Variants in TDRD12 observed in about 807,000 individuals in gnomAD.
TDRD12 encodes tudor domain containing 12, also known as putative ATP-dependent RNA helicase TDRD12.
Under a neutral mutation model 133.5 loss-of-function variants are expected in TDRD12, and 158 were observed. That is an observed-to-expected ratio of 1.18 (90% CI 1.04 to 1.35). The LOEUF is 1.35. TDRD12 is among the 40% of genes most tolerant of loss of function. The pLI, the probability that TDRD12 is intolerant of heterozygous loss-of-function variation, is 0.00. For synonymous variants in TDRD12, 460 were observed against 477.9 expected, an observed-to-expected ratio of 0.96 and a Z score of 0.49; for missense variants, 1,443 against 1,321.3, an observed-to-expected ratio of 1.09 and a Z score of -1.43.
At chr19:32,731,962 T>C (rs1017543991) in intron 2 of TDRD12, 79 bp downstream of exon 2, 17 of 1,380,128 alleles carry the variant, frequency 1.2e-5, no homozygotes, top group African/African-American at 1.5e-5. Context: ...ACGATGATGA[T>C]TCAAGCTTTT....
intron 1 of TDRD12, among the ~76,000 whole-genome samples, chr19:32,726,613 C>T (rs1034092912): frequency 1.3e-5 from 2 of 151,894 alleles, no homozygotes; most frequent in African/African-American, 4.8e-5. Flanking sequence ...AAGCCCAGTG[C>T]AGTGATGTGA....
At chr19:32,788,196 C>T (rs997757370) in intron 11 of TDRD12, among the ~76,000 whole-genome samples, 2 of 151,584 alleles carry the variant, frequency 1.3e-5, no homozygotes. Context: ...GATGTCGGCT[C>T]ACTGCAGCTT....
intron 8 of TDRD12, among the ~76,000 whole-genome samples, chr19:32,769,057 T>C (rs867098266): frequency 5.3e-5 from 8 of 152,160 alleles, no homozygotes; most frequent in Non-Finnish European, 7.3e-5. Flanking sequence ...TTTTAAAATA[T>C]ATTCTGGAGA....
Position 32,739,011 on chromosome 19 carries a change from C to T in TDRD12, c.320+19C>T, listed in dbSNP as rs1165266183. The T allele has an allele frequency of 1.9e-6, 3 of 1,549,534 alleles. No individual in the cohort carries two copies. Among genetic ancestry groups the T allele is most frequent in the South Asian group, 1.2e-5 (1 of 83,928 alleles). On this transcript the variant is annotated intron_variant, in intron 3 of 27. Transcript: ENST00000444215. ...CTAAAAAGTATGTACATGTTTATCT[C>T]ACCTTACGCTCTTTTCAGAGACAAA...
chr19:32,739,014 C>T, intron 3 of TDRD12, 22 bp downstream of exon 3: 1 of 1,549,178 alleles, frequency 6.5e-7, no homozygotes, highest in South Asian at 1.2e-5. Flanking sequence ...TTTATCTCAC[C>T]TTACGCTCTT....
chr19:32,794,305 A>G, intron 13 of TDRD12, among the ~76,000 whole-genome samples: 1 of 151,320 alleles, frequency 6.6e-6, no homozygotes, highest in East Asian at 2.0e-4. Context: ...GGGTTTCACC[A>G]TGTTGGCCAG....
At chr19:32,785,296 C>A (rs750375490) in intron 11 of TDRD12, among the ~76,000 whole-genome samples, 1 of 152,156 alleles carries the variant, frequency 6.6e-6, no homozygotes, top group Non-Finnish European at 1.5e-5. Context: ...ATCCTGAGTT[C>A]TAATTTGATT....
intron 26 of TDRD12, among the ~76,000 whole-genome samples, chr19:32,817,603 T>C (rs769058689): frequency 3.9e-5 from 6 of 151,944 alleles, no homozygotes; most frequent in Non-Finnish European, 8.8e-5. Flanking sequence ...CTGCCTTCAC[T>C]TCTCTGGGGT....
chr19:32,721,679 C>CTATTTTATTTTATTTTATTTTATTT lies in TDRD12; in HGVS notation c.24+1605_24+1629dup, dbSNP rs58024880. 2.8e-3 allele frequency among the ~76,000 whole-genome samples: 357 copies of CTATTTTATTTTATTTTATTTTATTT among 126,242 alleles called. 5 individuals carry two copies. Among genetic ancestry groups the CTATTTTATTTTATTTTATTTTATTT allele is most frequent in the African/African-American group, 0.011 (324 of 30,844 alleles). 82.8% of individuals were successfully genotyped at this position (126,242 alleles called of 152,430 possible). A position where few individuals can be genotyped will look rare whatever the true frequency, so the allele number is the denominator to read the frequency against. On this transcript the variant is annotated intron_variant, in intron 1 of 27. Coordinates refer to ENST00000444215, the Ensembl canonical transcript of TDRD12. ...ACAGGCGTGAGCCACCGTGCCTGGC[C>CTATTTTATTTTATTTTATTTTATTT]TATTTTATTTTATTTTATTTTATTT...
At chr19:32,764,228 A>G (rs934911179) in intron 8 of TDRD12, among the ~76,000 whole-genome samples, 1 of 145,416 alleles carries the variant, frequency 6.9e-6, no homozygotes, top group African/African-American at 2.6e-5. Context: ...CTCCTGCCTC[A>G]GCCTCCTGAG....
chr19:32,803,936 G>T (rs1051403710), intron 21 of TDRD12, among the ~76,000 whole-genome samples: 2 of 151,984 alleles, frequency 1.3e-5, no homozygotes, highest in Non-Finnish European at 2.9e-5. Context: ...TGGTTTGTCG[G>T]GGGGAGTAGC....
At chr19:32,742,788 G>T (rs1185387586) in exon 4 of TDRD12, 2 of 1,551,278 alleles carry the variant, frequency 1.3e-6, no homozygotes, top group Non-Finnish European at 1.7e-6. Context: ...TAGCATCCGA[G>T]TTGTAGTAGA....
At chr19:32,774,538 C>T (rs1353375234) in intron 10 of TDRD12, among the ~76,000 whole-genome samples, 3 of 151,866 alleles carry the variant, frequency 2.0e-5, no homozygotes, top group Admixed American at 1.3e-4. Flanking sequence ...TCTAGGTTGA[C>T]AGCACTTTAT....
intron 3 of TDRD12, among the ~76,000 whole-genome samples, chr19:32,740,642 C>G (rs981305774): frequency 6.6e-6 from 1 of 152,186 alleles, no homozygotes; most frequent in Non-Finnish European, 1.5e-5. Flanking sequence ...CCTGCCTGTC[C>G]TCAGTTTCCT....
chr19:32,738,310 T>C (rs1481554706), intron 2 of TDRD12, among the ~76,000 whole-genome samples: 1 of 151,844 alleles, frequency 6.6e-6, no homozygotes, highest in Admixed American at 6.6e-5. Flanking sequence ...AGTTAAGGAG[T>C]GGAAACAATT....
intron 8 of TDRD12, among the ~76,000 whole-genome samples, chr19:32,770,748 C>T (rs941381503): frequency 3.3e-5 from 5 of 151,966 alleles, no homozygotes; most frequent in African/African-American, 7.3e-5. Context: ...TAATTGTGCC[C>T]GTAGAGAAAT....
At position 32,752,983 on chromosome 19, in the gene TDRD12, G is replaced by A. The variant is rs903215794; in HGVS notation, c.583-3009G>A. ...AATTTTTTGTATATTTAATAGAGACGGGGTTTCACTGTGCTAGCCAGGATG... is the reference window on the plus strand; with the variant it reads ...AATTTTTTGTATATTTAATAGAGACAGGGTTTCACTGTGCTAGCCAGGATG... On this transcript the variant is annotated intron_variant, in intron 6 of 27. Coordinates refer to ENST00000444215, the Ensembl canonical transcript of TDRD12. Among the ~76,000 whole-genome samples, 4 of 151,828 alleles carry A rather than the reference G, an allele frequency of 2.6e-5. No individual in the cohort carries two copies. In the South Asian group the frequency reaches 6.3e-4, roughly 24 times the overall value.
At chr19:32,758,252 C>G (rs1970052827) in intron 8 of TDRD12, among the ~76,000 whole-genome samples, 1 of 152,180 alleles carries the variant, frequency 6.6e-6, no homozygotes, top group African/African-American at 2.4e-5. Flanking sequence ...GGTGGTTTCT[C>G]TCTCAGTGTG....
intron 18 of TDRD12, among the ~76,000 whole-genome samples, chr19:32,801,320 T>C (rs749403349): frequency 6.6e-6 from 1 of 152,136 alleles, no homozygotes; most frequent in African/African-American, 2.4e-5. Flanking sequence ...TTTGTACATA[T>C]TAGTGCTAAA....
Sources: allele counts gnomAD v4.1 joint callset (sites outside exome capture counted in the v4.1 genomes callset), GRCh38; gene constraint gnomAD v4.1.1; transcripts MANE v1.5; gene names NCBI Gene and HGNC (gene_info 2026-07-23, HGNC 2026-07-21).